TVP23A: variants seen among roughly 807,000 people sequenced by gnomAD.
TVP23A encodes the protein trans-golgi network vesicle protein 23 homolog A.
Under a neutral mutation model 31.7 loss-of-function variants are expected in TVP23A, and 21 were observed. The ratio of observed to expected loss-of-function variants is 0.66; its 90% CI spans 0.47 to 0.95. TVP23A has a LOEUF of 0.95. TVP23A is among the 40% of genes least tolerant of loss of function. TVP23A has a pLI of 0.00. For synonymous variants in TVP23A, 104 were observed against 96.0 expected (o/e 1.08, Z -0.49); for missense variants, 279 against 255.6 (o/e 1.09, Z -0.62).
intron 2 of TVP23A, among the ~76,000 whole-genome samples, chr16:10,802,241 CGTGTGTGTGTGTGT>C (rs61036988): frequency 0.066 from 8,645 of 130,452 alleles, 306 homozygotes; most frequent in African/African-American, 0.07. Context: ...TTATATGATA[CGTGTGTGTGTGTGT>C]GTGTGTGTGT....
chr16:10,787,555 G>C (rs1241094711), intron 2 of TVP23A, among the ~76,000 whole-genome samples: 1 of 152,130 alleles, frequency 6.6e-6, no homozygotes, highest in African/African-American at 2.4e-5. Context: ...GGTTGGGGGG[G>C]CAGCCTTCCG....
rs544055173 is a variant in TVP23A at position 10,776,690 on chromosome 16, G to C, written c.90-1594C>G. Among the ~76,000 whole-genome samples the C allele has an allele frequency of 3.3e-5, 5 of 152,334 alleles. 1 individual carries two copies. Among genetic ancestry groups the C allele is most frequent in the African/African-American group, 1.2e-4 (5 of 41,568 alleles). On this transcript the variant is annotated intron_variant, in intron 2 of 7. Coordinates refer to ENST00000299866, the MANE Select transcript of TVP23A (RefSeq NM_001079512.4). The stretch of plus-strand genomic sequence containing the variant: ...AGTAAAGTGAAAGCAAGTTTATTTG[G>C]AAAGTAAAGGAATAAAGAATGGCTA...
At chr16:10,791,651 A>C (rs775161493) in intron 2 of TVP23A, among the ~76,000 whole-genome samples, 25 of 152,312 alleles carry the variant, frequency 1.6e-4, no homozygotes, top group Non-Finnish European at 2.6e-4. Flanking sequence ...TCTGTTGCCC[A>C]GGCTGGAGTG....
intron 2 of TVP23A, chr16:10,775,591 T>G (rs975470589): frequency 3.1e-6 from 3 of 975,952 alleles, no homozygotes; most frequent in African/African-American, 1.7e-5. Flanking sequence ...CAGGTCTAAC[T>G]CATCATACTT....
chr16:10,798,045 T>C (rs1178083223), intron 2 of TVP23A, among the ~76,000 whole-genome samples: 1 of 143,140 alleles, frequency 7.0e-6, no homozygotes, highest in Non-Finnish European at 1.5e-5. Context: ...AAGCTCCGCC[T>C]CCCGGGTTCA....
chr16:10,761,512 G>C, exon 9 of TVP23A: 1 of 1,541,342 alleles, frequency 6.5e-7, no homozygotes, highest in Non-Finnish European at 9.0e-7. Context: ...GCAAGATCTT[G>C]CTCTCATGGA....
chr16:10,757,744 C>T (rs1900653966), downstream of TVP23A: 1 of 1,125,356 alleles, frequency 8.9e-7, no homozygotes. The surrounding 1 kb of genome is among the most constrained non-coding windows in gnomAD (Gnocchi z 4.1). Context: ...GGGAGGATTG[C>T]TTGAGCCTCA....
rs1047502719 is a variant in TVP23A at position 10,777,627 on chromosome 16, G to T, written c.90-2531C>A. On this transcript the variant is annotated intron_variant, in intron 2 of 7. Transcript: ENST00000299866. This position sits in a 1 kb window ranked among gnomAD's most constrained non-coding sequence, Gnocchi z 4.5. Reference sequence around the variant, plus strand: ...GTAGCAAAGCACCAACTATTCACCAGGATGGGTCTCATCTGAGCCTCTCAG... The same window carrying T: ...GTAGCAAAGCACCAACTATTCACCATGATGGGTCTCATCTGAGCCTCTCAG... Among the ~76,000 whole-genome samples, 2 of 152,228 alleles carry T rather than the reference G, an allele frequency of 1.3e-5. No homozygotes were observed. The highest frequency in any genetic ancestry group is 2.9e-5 in the Non-Finnish European group (2 of 68,030).
At chr16:10,789,254 G>C (rs144654861) in intron 2 of TVP23A, among the ~76,000 whole-genome samples, 1 of 152,164 alleles carries the variant, frequency 6.6e-6, no homozygotes, top group African/African-American at 2.4e-5. Context: ...CTGGATCAGA[G>C]GAAGCACCTG....
In TVP23A at chr16:10,818,316, C is replaced by G; in HGVS notation, c.10-134G>C. ...AAGTGGACCCTCCGAGCTGGCGGGG[C>G]CCCTCCGCTGCGGCTGCAGTGCAAA... On this transcript the variant is annotated intron_variant, in intron 1 of 7. Transcript: ENST00000299866. The surrounding 1 kb of genome is among the most constrained non-coding windows in gnomAD (Gnocchi z 4.7). 1 of 1,249,594 alleles carries G rather than the reference C, an allele frequency of 8.0e-7. No homozygotes were observed. The highest frequency in any genetic ancestry group is 1.1e-6 in the Non-Finnish European group (1 of 917,406). The allele number at this position is 1,249,594 out of a possible 1,614,324, so 77.4% of individuals were successfully genotyped here.
At chr16:10,783,389 C>T (rs2032540933) in intron 2 of TVP23A, among the ~76,000 whole-genome samples, 2 of 152,086 alleles carry the variant, frequency 1.3e-5, no homozygotes, top group Admixed American at 6.6e-5. Context: ...AGATGTCCTT[C>T]AATTGGCCAG....
intron 2 of TVP23A, among the ~76,000 whole-genome samples, chr16:10,793,269 C>G (rs944032527): frequency 1.3e-5 from 2 of 152,184 alleles, no homozygotes; most frequent in Admixed American, 6.5e-5. Flanking sequence ...CAGCAAGACT[C>G]TGTCTCAAAA....
chr16:10,758,122 C>T (rs1442515927), downstream of TVP23A: 7 of 1,419,028 alleles, frequency 4.9e-6, no homozygotes, highest in African/African-American at 2.8e-5. Flanking sequence ...CTCACCAAGG[C>T]TCTTCCCAGT....
chr16:10,801,806 C>G (rs2033706780), intron 2 of TVP23A, among the ~76,000 whole-genome samples: 1 of 152,104 alleles, frequency 6.6e-6, no homozygotes, highest in African/African-American at 2.4e-5. Context: ...GGAATATGAA[C>G]TACAGATTAG....
chr16:10,765,346 AAAAG>A (rs1408033942), downstream of TVP23A, among the ~76,000 whole-genome samples: 167 of 151,464 alleles, frequency 1.1e-3, no homozygotes, highest in African/African-American at 3.9e-3. This position sits in a 1 kb window ranked among gnomAD's most constrained non-coding sequence, Gnocchi z 4.0. Flanking sequence ...AAAAAAAAAA[AAAAG>A]GAAAAAATTC....
rs1008130859 is a variant in TVP23A at position 10,768,463 on chromosome 16, C to T, written c.*639G>A. ...CTCTACTAAAAATATGAAAATTAGC[C>T]GGGTGTGGTGGCGCATGCCTGTAGT... On this transcript the variant is annotated 3_prime_UTR_variant, in exon 8 of 8. Coordinates refer to ENST00000299866, the MANE Select transcript of TVP23A (RefSeq NM_001079512.4). The surrounding 1 kb of genome is among the most constrained non-coding windows in gnomAD (Gnocchi z 4.3). 5.0e-5 allele frequency: 8 copies of T among 159,986 alleles called. No homozygotes were observed. The highest frequency in any genetic ancestry group is 6.8e-5 in the Non-Finnish European group (5 of 73,262). 9.9% of individuals were successfully genotyped at this position (159,986 alleles called of 1,614,324 possible).
At chr16:10,757,731 G>C (rs1900653365), downstream of TVP23A, 4 of 936,120 alleles carry the variant, frequency 4.3e-6, no homozygotes, top group Non-Finnish European at 6.5e-6. This position sits in a 1 kb window ranked among gnomAD's most constrained non-coding sequence, Gnocchi z 4.1. Context: ...GGGAGGCTGA[G>C]GTGGGAGGAT....
At chr16:10,794,289 G>C (rs2033266714) in intron 2 of TVP23A, among the ~76,000 whole-genome samples, 1 of 151,982 alleles carries the variant, frequency 6.6e-6, no homozygotes, top group South Asian at 2.1e-4. Context: ...GGCATTGCTT[G>C]TCTTGTAGCC....
At chr16:10,759,228 G>C (rs1037121094), downstream of TVP23A, among the ~76,000 whole-genome samples, 2 of 152,346 alleles carry the variant, frequency 1.3e-5, no homozygotes, top group African/African-American at 4.8e-5. The surrounding 1 kb of genome is among the most constrained non-coding windows in gnomAD (Gnocchi z 4.7). Flanking sequence ...GAGGAACACA[G>C]GTGCTGGACA....
Sources: gnomAD v4.1 joint callset for allele counts (sites outside exome capture counted in the v4.1 genomes callset) on GRCh38, gnomAD v4.1.1 for gene constraint, Gnocchi (gnomAD v3.1) non-coding constraint, MANE v1.5 for transcripts, NCBI Gene and HGNC (gene_info 2026-07-23, HGNC 2026-07-21) for gene names.